The following MALRD1 variants were observed in gnomAD, a reference collection of about 807,000 sequenced individuals.
MALRD1 encodes the protein MAM and LDL receptor class A domain containing 1.
In MALRD1, 247 loss-of-function variants were observed where a neutral mutation model predicts 242.1. The observed-to-expected ratio is 1.02, with a 90% CI of 0.92 to 1.13. The LOEUF (loss-of-function observed/expected upper bound fraction) is 1.13, where lower values mean the gene tolerates loss of function less well. MALRD1 is among the 50% of genes most tolerant of loss of function. The pLI is 0.00. For synonymous variants in MALRD1, 995 were observed against 866.6 expected (o/e 1.15, Z -2.60); for missense variants, 2,989 against 2,533.1 (o/e 1.18, Z -3.86).
At chr10:19,389,327 A>T (rs1846233356) in intron 27 of MALRD1, 125 bp from the exon 28 acceptor site, 1 of 1,061,904 alleles carries the variant, frequency 9.4e-7, no homozygotes, top group South Asian at 1.4e-5. Flanking sequence ...TCTGTTCCAA[A>T]TGAAAATACT....
intron 18 of MALRD1, among the ~76,000 whole-genome samples, chr10:19,245,618 A>G (rs2131763587): frequency 1.3e-5 from 2 of 152,296 alleles, no homozygotes; most frequent in East Asian, 3.9e-4. Flanking sequence ...CTGGGAATCC[A>G]CTTGTCCTTT....
intron 28 of MALRD1, among the ~76,000 whole-genome samples, chr10:19,446,674 T>C (rs1031874988): frequency 1.5e-4 from 23 of 152,192 alleles, no homozygotes; most frequent in Non-Finnish European, 2.5e-4. Context: ...AAAAGTTCCA[T>C]GCATATACTA....
At chr10:19,464,163 TTGTC>T (rs1836100058) in intron 29 of MALRD1, among the ~76,000 whole-genome samples, 1 of 152,204 alleles carries the variant, frequency 6.6e-6, no homozygotes, top group East Asian at 1.9e-4. Flanking sequence ...ATTCTGTAGG[TTGTC>T]TGTTTACTCT....
chr10:19,464,826 T>G (rs1257011177), intron 29 of MALRD1, among the ~76,000 whole-genome samples: 1 of 152,238 alleles, frequency 6.6e-6, no homozygotes, highest in Non-Finnish European at 1.5e-5. Flanking sequence ...CAATATTGAT[T>G]CTACCCATCC....
chr10:19,161,805 G>A (rs1413180049), intron 12 of MALRD1, among the ~76,000 whole-genome samples: 1 of 152,046 alleles, frequency 6.6e-6, no homozygotes. Context: ...TGAGGCAGGT[G>A]GATCACGAGG....
chr10:19,710,381 C>T (rs1355026816), intron 38 of MALRD1: 5 of 152,034 alleles, frequency 3.3e-5, no homozygotes, highest in South Asian at 2.1e-4. Flanking sequence ...TAAAATTTCA[C>T]GTGTATTTCA....
At chr10:19,070,111 C>T (rs1010332563) in intron 2 of MALRD1, among the ~76,000 whole-genome samples, 5 of 151,814 alleles carry the variant, frequency 3.3e-5, no homozygotes, top group Admixed American at 6.6e-5. Context: ...GATTTTTTTC[C>T]CTTGTTACCT....
chr10:19,442,035 A>T (rs1834690783), intron 28 of MALRD1, among the ~76,000 whole-genome samples: 1 of 152,104 alleles, frequency 6.6e-6, no homozygotes, highest in Non-Finnish European at 1.5e-5. Context: ...GTTCTCCGTG[A>T]AGAAGTCCTT....
chr10:19,704,130 T>TA (rs1311015452), intron 38 of MALRD1, among the ~76,000 whole-genome samples: 1 of 151,656 alleles, frequency 6.6e-6, no homozygotes, highest in Non-Finnish European at 1.5e-5. Flanking sequence ...AAATCAGAAT[T>TA]TTTTTTTAGC....
At chr10:19,709,087 A>G (rs1192416240) in intron 38 of MALRD1, among the ~76,000 whole-genome samples, 1 of 121,148 alleles carries the variant, frequency 8.3e-6, no homozygotes, top group African/African-American at 2.7e-5. Flanking sequence ...TCATGAAGTC[A>G]TGGGTTTGAT....
intron 24 of MALRD1, among the ~76,000 whole-genome samples, chr10:19,346,253 T>C (rs1266578148): frequency 6.6e-6 from 1 of 152,192 alleles, no homozygotes; most frequent in Non-Finnish European, 1.5e-5. Context: ...AACTTGGACA[T>C]TCTTAAAGAG....
intron 24 of MALRD1, among the ~76,000 whole-genome samples, chr10:19,333,661 C>A (rs1410232492): frequency 6.6e-6 from 1 of 152,054 alleles, no homozygotes; most frequent in African/African-American, 2.4e-5. Flanking sequence ...GGTTATATAT[C>A]CAATAATGGA....
rs57920650 is a variant in MALRD1 at position 19,414,047 on chromosome 10, C to CA, written c.4845+24449dup. Among the ~76,000 whole-genome samples, 573 of 138,218 alleles carry CA rather than the reference C, an allele frequency of 4.1e-3. 10 individuals carry two copies. In the East Asian group the frequency reaches 0.049, roughly 12 times the overall value. The allele number at this position is 138,218 out of a possible 152,430, so 90.7% of individuals were successfully genotyped here. A position where few individuals can be genotyped will look rare whatever the true frequency, so the allele number is the denominator to read the frequency against. ...CCTTCTAAGATCAGTTTCCAAAAAACAAAAAAAAAAAGTTCAATTTCCTCT... is the reference window on the plus strand; with the variant it reads ...CCTTCTAAGATCAGTTTCCAAAAAACAAAAAAAAAAAAGTTCAATTTCCTCT... On this transcript the variant is annotated intron_variant, in intron 28 of 39. Transcript: ENST00000454679.
At chr10:19,216,695 CA>C (rs1173700163) in intron 18 of MALRD1, among the ~76,000 whole-genome samples, 14 of 150,520 alleles carry the variant, frequency 9.3e-5, no homozygotes, top group Non-Finnish European at 1.9e-4. Flanking sequence ...CCTGTAATCC[CA>C]GCACTTTGGG....
chr10:19,507,177 T>C (rs1455743184), intron 31 of MALRD1, among the ~76,000 whole-genome samples: 3 of 151,976 alleles, frequency 2.0e-5, no homozygotes, highest in Non-Finnish European at 4.4e-5. Context: ...TCCGCCATGA[T>C]CCAGTCACCT....
chr10:19,645,046 A>T (rs1375758351), intron 36 of MALRD1, among the ~76,000 whole-genome samples: 2 of 152,206 alleles, frequency 1.3e-5, no homozygotes, highest in African/African-American at 2.4e-5. Context: ...CAAAGACATT[A>T]TCAGATCATT....
intron 33 of MALRD1, among the ~76,000 whole-genome samples, chr10:19,592,762 C>T (rs1346802584): frequency 1.1e-3 from 105 of 99,372 alleles, no homozygotes; most frequent in African/African-American, 3.3e-3. Context: ...CACACACACA[C>T]GCACGCACAC....
intron 24 of MALRD1, among the ~76,000 whole-genome samples, chr10:19,336,647 C>T (rs995038420): frequency 1.3e-5 from 2 of 152,064 alleles, no homozygotes; most frequent in East Asian, 3.8e-4. Context: ...ATGCCCCCCT[C>T]CTAAATCACA....
Position 19,088,192 on chromosome 10 carries a change from G to A in MALRD1, c.597+7G>A. The A allele has an allele frequency of 1.6e-6, 2 of 1,233,080 alleles. No homozygotes were observed. The highest frequency in any genetic ancestry group is 2.0e-6 in the Non-Finnish European group (2 of 987,572). 76.4% of individuals were successfully genotyped at this position (1,233,080 alleles called of 1,614,324 possible). ...GAGTTCACAGAGATTTCAGGTATGTGTGTTCTATTTTCTAACTATGGCCTT... is the reference window on the plus strand; with the variant it reads ...GAGTTCACAGAGATTTCAGGTATGTATGTTCTATTTTCTAACTATGGCCTT... On this transcript the variant is annotated splice_region_variant and intron_variant, in intron 4 of 39. Transcript: ENST00000454679.
Sources: gnomAD v4.1 joint callset for allele counts (sites outside exome capture counted in the v4.1 genomes callset) on GRCh38, gnomAD v4.1.1 for gene constraint, MANE v1.5 for transcripts, NCBI Gene and HGNC (gene_info 2026-07-23, HGNC 2026-07-21) for gene names.